Variants in KIF16B observed in about 807,000 individuals in gnomAD.
The protein encoded by KIF16B is kinesin family member 16B.
KIF16B carries 98 observed loss-of-function variants against 156.3 expected under a neutral mutation model. The ratio of observed to expected loss-of-function variants is 0.63; its 90% CI spans 0.53 to 0.74. The LOEUF (loss-of-function observed/expected upper bound fraction) is 0.74, where lower values mean the gene tolerates loss of function less well. Among genes scored for constraint, KIF16B ranks in the 30% least tolerant of loss-of-function variants. The pLI is 0.00. For missense variants in KIF16B, 1,421 were observed against 1,606.5 expected (o/e 0.88, Z 1.97); for synonymous variants, 564 against 583.7 (o/e 0.97, Z 0.49).
rs537228381 is a variant in KIF16B, at chr20:16,450,983, C to T, written c.1303-21001G>A. Among the ~76,000 whole-genome samples the T allele has an allele frequency of 4.6e-5, 7 of 152,260 alleles. No homozygotes were observed. In the South Asian group the frequency reaches 1.0e-3, roughly 23 times the overall value. On this transcript the variant is annotated intron_variant, in intron 12 of 25. Transcript: ENST00000354981. The stretch of plus-strand genomic sequence containing the variant: ...TGATGTGAGTGTATGAAGAGAGTGC[C>T]GCGCATCTTCTGTCATACCTGCGCG...
At chr20:16,512,661 A>T (rs1433858274) in intron 5 of KIF16B, among the ~76,000 whole-genome samples, 165 bp downstream of exon 5, 1 of 152,170 alleles carries the variant, frequency 6.6e-6, no homozygotes, top group African/African-American at 2.4e-5. Context: ...CTAAAAACTT[A>T]TGTGTTTTAA....
intron 12 of KIF16B, among the ~76,000 whole-genome samples, chr20:16,458,605 A>G (rs1167639095): frequency 1.3e-5 from 2 of 152,168 alleles, no homozygotes; most frequent in African/African-American, 4.8e-5. Context: ...TCTTTGAAAC[A>G]TGAGGCTTAA....
chr20:16,493,913 AT>A (rs1186558876), intron 12 of KIF16B, among the ~76,000 whole-genome samples: 4 of 152,118 alleles, frequency 2.6e-5, no homozygotes, highest in Non-Finnish European at 2.9e-5. Context: ...CACGGGAAAT[AT>A]TTTTTTCATT....
rs139910903 is a variant in KIF16B at position 16,442,695 on chromosome 20, A to G, written c.1303-12713T>C. 3.4e-3 allele frequency among the ~76,000 whole-genome samples: 515 copies of G among 152,238 alleles called. 4 individuals are homozygous for G. The highest frequency in any genetic ancestry group is 0.01 in the Middle Eastern group (3 of 294). On this transcript the variant is annotated intron_variant, in intron 12 of 25. Coordinates refer to ENST00000354981, the MANE Select transcript of KIF16B (RefSeq NM_024704.5). ...GGAGTAGGGTGGGAGGAGAACCACC[A>G]GCAGCGGCAAAATGAGGTCTTCTCT...
At chr20:16,478,641 A>T (rs2067887440) in intron 12 of KIF16B, among the ~76,000 whole-genome samples, 1 of 152,180 alleles carries the variant, frequency 6.6e-6, no homozygotes, top group African/African-American at 2.4e-5. Flanking sequence ...GACTATTAGT[A>T]GACAGTTACC....
intron 2 of KIF16B, 75 bp from the exon 3 acceptor site, chr20:16,526,280 C>T: frequency 1.1e-5 from 8 of 696,948 alleles, no homozygotes; most frequent in Non-Finnish European, 1.9e-5. Flanking sequence ...CATGTTTATA[C>T]CCTGACTAAA....
At chr20:16,450,986 G>A (rs963934286) in intron 12 of KIF16B, among the ~76,000 whole-genome samples, 5 of 152,158 alleles carry the variant, frequency 3.3e-5, no homozygotes, top group East Asian at 1.9e-4. Flanking sequence ...AGAGTGCCGC[G>A]CATCTTCTGT....
intron 23 of KIF16B, among the ~76,000 whole-genome samples, chr20:16,341,282 G>C (rs996282764): frequency 8.5e-5 from 13 of 152,184 alleles, no homozygotes; most frequent in African/African-American, 3.1e-4. Flanking sequence ...TTGAGGACCT[G>C]CTATAGTTGG....
chr20:16,402,801 T>C (rs1386225516), intron 17 of KIF16B, among the ~76,000 whole-genome samples: 2 of 152,168 alleles, frequency 1.3e-5, no homozygotes, highest in African/African-American at 2.4e-5. Context: ...TTTTAGACCA[T>C]GGAAAGTCAC....
At chr20:16,291,734 T>C (rs2063318180) in intron 25 of KIF16B, among the ~76,000 whole-genome samples, 1 of 152,232 alleles carries the variant, frequency 6.6e-6, no homozygotes, top group Non-Finnish European at 1.5e-5. Context: ...ATGTATTGAC[T>C]AAGCTATTAC....
chr20:16,539,610 C>T (rs2070118139), intron 1 of KIF16B, among the ~76,000 whole-genome samples: 1 of 151,966 alleles, frequency 6.6e-6, no homozygotes, highest in South Asian at 2.1e-4. Context: ...CTTTGCCTTC[C>T]ACCATGAGTA....
At chr20:16,508,202 G>T in intron 6 of KIF16B, 102 bp from the exon 7 acceptor site, 1 of 1,344,722 alleles carries the variant, frequency 7.4e-7, no homozygotes, top group Non-Finnish European at 1.0e-6. Flanking sequence ...AAAATCTGCT[G>T]ACCTGTCTGA....
At chr20:16,371,893 G>C (rs1438007858) in intron 20 of KIF16B, 132 bp from the exon 21 acceptor site, 2 of 613,162 alleles carry the variant, frequency 3.3e-6, no homozygotes, top group African/African-American at 1.8e-5. Flanking sequence ...AACAACTTGA[G>C]AACTTCAACA....
intron 12 of KIF16B, among the ~76,000 whole-genome samples, chr20:16,476,195 A>T (rs995014035): frequency 4.6e-5 from 7 of 152,202 alleles, no homozygotes; most frequent in Non-Finnish European, 1.0e-4. Flanking sequence ...GTAGAACAAC[A>T]TTTATTCCCA....
intron 10 of KIF16B, among the ~76,000 whole-genome samples, chr20:16,501,652 C>A (rs2068629958): frequency 6.6e-6 from 1 of 152,106 alleles, no homozygotes; most frequent in South Asian, 2.1e-4. Flanking sequence ...TGATGGAAGA[C>A]AACTTTGCAG....
intron 17 of KIF16B, among the ~76,000 whole-genome samples, chr20:16,398,129 C>T (rs777225546): frequency 1.3e-5 from 2 of 152,208 alleles, no homozygotes; most frequent in Non-Finnish European, 2.9e-5. Flanking sequence ...TGGAAATGCA[C>T]AGAAAGCTTC....
At chr20:16,295,127 C>T (rs2063365009) in intron 25 of KIF16B, among the ~76,000 whole-genome samples, 1 of 152,136 alleles carries the variant, frequency 6.6e-6, no homozygotes, top group African/African-American at 2.4e-5. Context: ...CTAAGCAAAT[C>T]CATTATCAAA....
At position 16,273,108 on chromosome 20, in the gene KIF16B, C is replaced by T. The variant is rs144884181; in HGVS notation, c.*145G>A. On this transcript the variant is annotated 3_prime_UTR_variant, in exon 26 of 26. Transcript: ENST00000354981. ...CAAACTCAGGCACTAGGTATGGAAA[C>T]GTGAGGTGGCCCGGGCCCGCTGCTG... The T allele has an allele frequency of 1.1e-4, 76 of 695,132 alleles. No homozygotes were observed. Among genetic ancestry groups the T allele is most frequent in the African/African-American group, 1.1e-3 (60 of 56,288 alleles). The allele number at this position is 695,132 out of a possible 1,614,324, so 43.1% of individuals were successfully genotyped here. A position where few individuals can be genotyped will look rare whatever the true frequency, so the allele number is the denominator to read the frequency against.
chr20:16,566,480 T>C (rs1218095305), intron 1 of KIF16B, among the ~76,000 whole-genome samples: 2 of 152,270 alleles, frequency 1.3e-5, no homozygotes, highest in Non-Finnish European at 2.9e-5. Flanking sequence ...AAGACAGCCC[T>C]GTTTTAGAAC....
Sources: allele counts gnomAD v4.1 joint callset (sites outside exome capture counted in the v4.1 genomes callset), GRCh38; gene constraint gnomAD v4.1.1; transcripts MANE v1.5; gene names NCBI Gene and HGNC (gene_info 2026-07-23, HGNC 2026-07-21).